STK10: variants seen among roughly 807,000 people sequenced by gnomAD.
STK10 encodes serine/threonine kinase 10.
A neutral mutation model predicts 113.8 loss-of-function variants in STK10; 78 were observed. That is an observed-to-expected ratio of 0.69 (90% CI 0.57 to 0.83). The LOEUF (loss-of-function observed/expected upper bound fraction) is 0.83. Ranked by LOEUF, STK10 falls within the 40% of genes least tolerant of loss-of-function variation. The probability of loss-of-function intolerance (pLI) is 0.00; values close to 1 mark genes in which losing one functional copy is unlikely to be tolerated. For missense variants in STK10, 1,109 were observed against 1,280.1 expected (o/e 0.87, Z 2.04); for synonymous variants, 465 against 494.7 (o/e 0.94, Z 0.80).
chr5:172,090,348 G>C lies in STK10; in HGVS notation c.1569C>G (p.Tyr523Ter), dbSNP rs1028192027. 1 of 1,613,670 alleles carries C rather than the reference G, an allele frequency of 6.2e-7. No individual in the cohort carries two copies. The highest frequency in any genetic ancestry group is 2.2e-5 in the East Asian group (1 of 44,838). Residue 523 changes from tyrosine to a stop codon, truncating the protein, a stop_gained, in exon 10 of 19, where the codon TAC becomes TAG. Coordinates refer to ENST00000176763, the MANE Select transcript of STK10 (RefSeq NM_005990.4). LOFTEE classifies it high-confidence loss of function. ...GSLSIKDPKL[Y>*]KKTLKRTRKF... The stretch of plus-strand genomic sequence containing the variant: ...TGCGTGTCCGCTTGAGGGTTTTTTT[G>C]TACAGTTTCGGGTCCTGGCCAGGGA...
intron 2 of STK10, among the ~76,000 whole-genome samples, chr5:172,155,682 T>TGGAAGAATTA (rs2113816647): frequency 6.6e-6 from 1 of 151,504 alleles, no homozygotes; most frequent in African/African-American, 2.4e-5. Flanking sequence ...TGGATTTCTT[T>TGGAAGAATTA]GGAAGAATTA....
At chr5:172,156,102 GC>G (rs894800436) in intron 2 of STK10, among the ~76,000 whole-genome samples, 3 of 152,094 alleles carry the variant, frequency 2.0e-5, no homozygotes, top group African/African-American at 7.2e-5. Context: ...CTGGTAAAGA[GC>G]CCCCTTCTTT....
intron 18 of STK10, among the ~76,000 whole-genome samples, chr5:172,048,414 T>TACACACACATACACACACACACAC (rs1767543035): frequency 3.1e-5 from 4 of 128,394 alleles, no homozygotes; most frequent in African/African-American, 1.2e-4. Context: ...TCCCTCTCCC[T>TACACACACATACACACACACACAC]ACACACACAC....
At chr5:172,088,536 A>C (rs1465548644) in intron 10 of STK10, among the ~76,000 whole-genome samples, 2 of 152,146 alleles carry the variant, frequency 1.3e-5, no homozygotes, top group Non-Finnish European at 2.9e-5. Context: ...AAAATAAATA[A>C]ATACATAAAA....
intron 1 of STK10, among the ~76,000 whole-genome samples, chr5:172,182,026 C>T (rs192216398): frequency 8.9e-4 from 136 of 152,148 alleles, no homozygotes; most frequent in African/African-American, 2.9e-3. Context: ...TTTAAAAAGG[C>T]CGGCTCGGTG....
chr5:172,087,668 C>CCGGACTG (rs1768602107), intron 10 of STK10, among the ~76,000 whole-genome samples: 1 of 98,202 alleles, frequency 1.0e-5, no homozygotes, highest in Non-Finnish European at 2.1e-5. Context: ...GTCGCCCAGG[C>CCGGACTG]CGGACTGCGG....
chr5:172,054,742 G>T, intron 16 of STK10, 48 bp from the exon 17 acceptor site: 2 of 1,601,362 alleles, frequency 1.2e-6, no homozygotes, highest in Non-Finnish European at 8.5e-7. Context: ...GGCCTGGCTG[G>T]TTGGGTAGGG....
intron 14 of STK10, among the ~76,000 whole-genome samples, chr5:172,059,759 A>G (rs1767893541): frequency 6.6e-6 from 1 of 152,116 alleles, no homozygotes; most frequent in African/African-American, 2.4e-5. Context: ...CTCATTCTGT[A>G]AGGGACCCCC....
rs1048218271 is a variant in STK10 at position 172,042,298 on chromosome 5, C to T, written c.*2584G>A. 6.6e-5 allele frequency: 10 copies of T among 152,588 alleles called. No individual in the cohort carries two copies. The highest frequency in any genetic ancestry group is 2.2e-4 in the African/African-American group (9 of 41,420). 9.5% of individuals were successfully genotyped at this position (152,588 alleles called of 1,614,324 possible). A position where few individuals can be genotyped will look rare whatever the true frequency, so the allele number is the denominator to read the frequency against. On this transcript the variant is annotated 3_prime_UTR_variant, in exon 19 of 19. Transcript: ENST00000176763. ...ATACAGAAAGCACTAACACAGGGCACGAGGAATACCGCGTGGGCCTCTCAG... is the reference window on the plus strand; with the variant it reads ...ATACAGAAAGCACTAACACAGGGCATGAGGAATACCGCGTGGGCCTCTCAG...
Position 172,073,152 on chromosome 5 carries a change from T to G in STK10, c.1990-8340A>C, listed in dbSNP as rs148735819. The stretch of plus-strand genomic sequence containing the variant: ...CACCACACCCAGCTAATTATTTATT[T>G]ATTTATTTATTTTTTGAGATGAAGT... On this transcript the variant is annotated intron_variant, in intron 12 of 18. Coordinates refer to ENST00000176763, the MANE Select transcript of STK10 (RefSeq NM_005990.4). 4.0e-3 allele frequency among the ~76,000 whole-genome samples: 609 copies of G among 152,018 alleles called. 5 individuals carry two copies. Among genetic ancestry groups the G allele is most frequent in the African/African-American group, 0.013 (557 of 41,452 alleles).
At chr5:172,136,987 C>T (rs554331965) in intron 2 of STK10, among the ~76,000 whole-genome samples, 1 of 152,154 alleles carries the variant, frequency 6.6e-6, no homozygotes, top group African/African-American at 2.4e-5. Flanking sequence ...CCCCCCACCC[C>T]CGAACAGGCC....
At chr5:172,121,084 A>C (rs1769501352) in intron 3 of STK10, among the ~76,000 whole-genome samples, 1 of 148,954 alleles carries the variant, frequency 6.7e-6, no homozygotes, top group Non-Finnish European at 1.5e-5. Context: ...GCTGGAGTGC[A>C]ATGGTGTGGT....
At chr5:172,155,331 C>A (rs1021648970) in intron 2 of STK10, among the ~76,000 whole-genome samples, 3 of 151,958 alleles carry the variant, frequency 2.0e-5, no homozygotes, top group Non-Finnish European at 2.9e-5. Context: ...AACCCCGTCT[C>A]TACTAAAAAT....
intron 7 of STK10, among the ~76,000 whole-genome samples, chr5:172,102,748 ACG>A (rs1769018265): frequency 6.6e-6 from 1 of 152,190 alleles, no homozygotes; most frequent in African/African-American, 2.4e-5. Context: ...GATAGAGTGG[ACG>A]GGTTTAAGAG....
intron 2 of STK10, among the ~76,000 whole-genome samples, chr5:172,140,622 G>A (rs992068229): frequency 2.0e-5 from 3 of 152,254 alleles, no homozygotes; most frequent in Admixed American, 1.3e-4. Flanking sequence ...GCTTGAATCC[G>A]GGAGGCGGAG....
At chr5:172,108,739 T>C (rs1173069318) in intron 4 of STK10, among the ~76,000 whole-genome samples, 2 of 151,864 alleles carry the variant, frequency 1.3e-5, no homozygotes, top group Non-Finnish European at 2.9e-5. Context: ...GAGCCAGGAT[T>C]GTGCCACTGC....
chr5:172,090,935 T>TAAAA (rs547251159), intron 9 of STK10, among the ~76,000 whole-genome samples: 3 of 46,140 alleles, frequency 6.5e-5, no homozygotes, highest in Admixed American at 3.1e-4. Context: ...ACTCCGTCTC[T>TAAAA]AAAAAAAAAA....
intron 12 of STK10, among the ~76,000 whole-genome samples, chr5:172,067,055 A>T (rs1561793760): frequency 6.6e-6 from 1 of 152,114 alleles, no homozygotes; most frequent in Non-Finnish European, 1.5e-5. Context: ...AGAACATAAC[A>T]CTGAAATGTC....
intron 7 of STK10, among the ~76,000 whole-genome samples, chr5:172,103,911 C>A (rs961903187): frequency 6.6e-6 from 1 of 152,184 alleles, no homozygotes; most frequent in Non-Finnish European, 1.5e-5. Context: ...GAGTGACAAG[C>A]AAGTCACAGA....
Sources: allele counts gnomAD v4.1 joint callset (sites outside exome capture counted in the v4.1 genomes callset), GRCh38; gene constraint gnomAD v4.1.1; transcripts MANE v1.5; gene names NCBI Gene and HGNC (gene_info 2026-07-23, HGNC 2026-07-21).